Variants in AKAP19 observed in about 807,000 individuals in gnomAD.
The protein encoded by AKAP19 is small A-kinase anchoring protein.
the AKAP19 span, among the ~76,000 whole-genome samples, chr2:190,197,838 A>G: frequency 1.3e-5 from 2 of 152,252 alleles, no homozygotes; most frequent in African/African-American, 4.8e-5. The surrounding 1 kb of genome is among the most constrained non-coding windows in gnomAD (Gnocchi z 4.0). Context: ...AAAGGTCTTA[A>G]AAAACAGAAT....
the AKAP19 span, among the ~76,000 whole-genome samples, chr2:190,052,242 T>A: frequency 6.6e-6 from 1 of 152,166 alleles, no homozygotes; most frequent in South Asian, 2.1e-4. Context: ...TATAATTCAC[T>A]CCATTACTTG....
chr2:189,893,046 G>A, the AKAP19 span, among the ~76,000 whole-genome samples: 1 of 152,108 alleles, frequency 6.6e-6, no homozygotes, highest in Non-Finnish European at 1.5e-5. Context: ...GGGGAAAATC[G>A]CCTACTCAAG....
the AKAP19 span, among the ~76,000 whole-genome samples, chr2:190,080,915 T>G: frequency 3.3e-5 from 5 of 152,178 alleles, no homozygotes; most frequent in Non-Finnish European, 7.4e-5. Flanking sequence ...ATGAAGGCAG[T>G]GATGACAATC....
At chr2:190,024,507 C>G in the AKAP19 span, among the ~76,000 whole-genome samples, 1 of 151,990 alleles carries the variant, frequency 6.6e-6, no homozygotes, top group East Asian at 1.9e-4. Flanking sequence ...AGAATGGGCA[C>G]AAATCCTATA....
At chr2:190,163,494 A>T in the AKAP19 span, among the ~76,000 whole-genome samples, 1 of 152,104 alleles carries the variant, frequency 6.6e-6, no homozygotes, top group Middle Eastern at 3.2e-3. Context: ...GTGATTTACA[A>T]ATCTGAGGTC....
At chr2:189,981,402 A>G in the AKAP19 span, among the ~76,000 whole-genome samples, 1 of 151,880 alleles carries the variant, frequency 6.6e-6, no homozygotes, top group African/African-American at 2.4e-5. Context: ...GTGTCATTAC[A>G]TGTGAGATGG....
the AKAP19 span, among the ~76,000 whole-genome samples, chr2:189,942,747 T>C: frequency 6.6e-6 from 1 of 152,234 alleles, no homozygotes; most frequent in Non-Finnish European, 1.5e-5. Context: ...GGCAGTCATA[T>C]GTGTTATGCC....
At chr2:190,044,368 G>A in the AKAP19 span, among the ~76,000 whole-genome samples, 1 of 152,186 alleles carries the variant, frequency 6.6e-6, no homozygotes, top group African/African-American at 2.4e-5. Flanking sequence ...ACCCCAGCCA[G>A]GAGTTTACTG....
chr2:189,998,089 G>T, the AKAP19 span, among the ~76,000 whole-genome samples: 1 of 152,210 alleles, frequency 6.6e-6, no homozygotes. Context: ...CAGTGAGTAT[G>T]TGTTTTTGGA....
the AKAP19 span, among the ~76,000 whole-genome samples, chr2:190,186,895 AGT>A: frequency 7.9e-5 from 12 of 152,108 alleles, no homozygotes; most frequent in South Asian, 2.1e-4. The surrounding 1 kb of genome is among the most constrained non-coding windows in gnomAD (Gnocchi z 5.5). Flanking sequence ...GCTGGAGTGC[AGT>A]GGCGTGACCA....
the AKAP19 span, among the ~76,000 whole-genome samples, chr2:190,176,000 A>G: frequency 6.6e-6 from 1 of 152,198 alleles, no homozygotes; most frequent in Non-Finnish European, 1.5e-5. Context: ...CCCTCACCAG[A>G]AAACCTACCA....
the AKAP19 span, among the ~76,000 whole-genome samples, chr2:190,183,261 T>C: frequency 6.6e-6 from 1 of 152,238 alleles, no homozygotes; most frequent in Non-Finnish European, 1.5e-5. Context: ...CCAAGTACGA[T>C]AATGGCTGGA....
At chr2:190,049,127 T>A in the AKAP19 span, among the ~76,000 whole-genome samples, 2 of 151,926 alleles carry the variant, frequency 1.3e-5, no homozygotes, top group African/African-American at 2.4e-5. Flanking sequence ...AAAAGAGAAA[T>A]AGAAATCTTG....
At chr2:190,153,089 G>A in the AKAP19 span, among the ~76,000 whole-genome samples, 1 of 152,040 alleles carries the variant, frequency 6.6e-6, no homozygotes, top group East Asian at 1.9e-4. Flanking sequence ...TAGAAACGGG[G>A]TTTCACCGTG....
At chr2:189,961,197 C>A in the AKAP19 span, among the ~76,000 whole-genome samples, 1 of 152,068 alleles carries the variant, frequency 6.6e-6, no homozygotes, top group Non-Finnish European at 1.5e-5. Context: ...AGGGAGGAAC[C>A]CACACCCGTG....
chr2:189,924,550 T>C, the AKAP19 span, among the ~76,000 whole-genome samples: 2 of 152,296 alleles, frequency 1.3e-5, no homozygotes, highest in South Asian at 4.1e-4. Flanking sequence ...GGGAGTACAG[T>C]TCTTTTCATT....
the AKAP19 span, among the ~76,000 whole-genome samples, chr2:190,166,167 A>T: frequency 6.6e-6 from 1 of 151,896 alleles, no homozygotes; most frequent in Non-Finnish European, 1.5e-5. Flanking sequence ...GTTATTTAAA[A>T]TATGAGAGAA....
chr2:190,105,550 A>G, the AKAP19 span, among the ~76,000 whole-genome samples: 1 of 152,184 alleles, frequency 6.6e-6, no homozygotes, highest in South Asian at 2.1e-4. Context: ...AAAGTACCCT[A>G]TATTTCACGA....
At chr2:190,200,029 G>A in the AKAP19 span, 1 of 1,614,110 alleles carries the variant, frequency 6.2e-7, no homozygotes, top group Non-Finnish European at 8.5e-7. Context: ...GACCAATACT[G>A]TGATCTTGGA....
Sources: gnomAD v4.1 joint callset for allele counts (sites outside exome capture counted in the v4.1 genomes callset) on GRCh38, gnomAD v4.1.1 for gene constraint, Gnocchi (gnomAD v3.1) non-coding constraint, MANE v1.5 for transcripts, NCBI Gene and HGNC (gene_info 2026-07-23, HGNC 2026-07-21) for gene names.